PRKD1: variants seen among roughly 807,000 people sequenced by gnomAD.
PRKD1 encodes serine/threonine-protein kinase D1.
In PRKD1, 63 loss-of-function variants were observed where a neutral mutation model predicts 95.9. That is an observed-to-expected ratio of 0.66 (90% CI 0.54 to 0.81). PRKD1 has a LOEUF of 0.81. PRKD1 is among the 30% of genes least tolerant of loss of function. The probability of loss-of-function intolerance (pLI) is 0.00; values close to 1 mark genes in which losing one functional copy is unlikely to be tolerated. For missense variants in PRKD1, 1,048 were observed against 1,165.3 expected (o/e 0.90, Z 1.47); for synonymous variants, 425 against 423.1 (o/e 1.00, Z -0.05).
At chr14:29,722,799 G>T (rs541036248) in intron 2 of PRKD1, among the ~76,000 whole-genome samples, 4 of 152,300 alleles carry the variant, frequency 2.6e-5, no homozygotes, top group Non-Finnish European at 5.9e-5. Flanking sequence ...TGCAGGCCCT[G>T]CCCGGGTATA....
chr14:29,584,757 T>G (rs1392809929), intron 16 of PRKD1, among the ~76,000 whole-genome samples: 1 of 152,264 alleles, frequency 6.6e-6, no homozygotes, highest in East Asian at 1.9e-4. Context: ...GCATCACAAC[T>G]CTACAAAATA....
At chr14:29,665,326 C>A (rs528468834) in intron 3 of PRKD1, among the ~76,000 whole-genome samples, 2 of 152,200 alleles carry the variant, frequency 1.3e-5, no homozygotes, top group South Asian at 2.1e-4. Flanking sequence ...AGCTGTCACC[C>A]AAATGGTTTA....
chr14:29,900,994 C>T (rs1478618779), intron 1 of PRKD1, among the ~76,000 whole-genome samples: 1 of 152,164 alleles, frequency 6.6e-6, no homozygotes, highest in Non-Finnish European at 1.5e-5. Flanking sequence ...TGGGTATATG[C>T]CCAAAAGAAA....
intron 11 of PRKD1, among the ~76,000 whole-genome samples, chr14:29,628,750 C>A (rs1367926036): frequency 2.0e-5 from 3 of 151,942 alleles, no homozygotes; most frequent in Non-Finnish European, 2.9e-5. Context: ...TAATATCAAC[C>A]ATTAAAATTC....
At chr14:29,808,373 CTTTTTTTTTTTTTTTTTTTTT>C (rs34250184) in intron 1 of PRKD1, among the ~76,000 whole-genome samples, 148 of 20,004 alleles carry the variant, frequency 7.4e-3, no homozygotes, top group Admixed American at 0.017. Context: ...TCAGGCTCTA[CTTTTTTTTTTTTTTTTTTTTT>C]TTTTTTTTTT....
At chr14:29,784,817 A>T (rs1158748588) in intron 1 of PRKD1, among the ~76,000 whole-genome samples, 1 of 152,222 alleles carries the variant, frequency 6.6e-6, no homozygotes, top group East Asian at 1.9e-4. Context: ...ACAAATTATC[A>T]GATTGCTTCC....
chr14:29,926,753 T>C (rs1344744298), intron 1 of PRKD1, among the ~76,000 whole-genome samples: 2 of 152,154 alleles, frequency 1.3e-5, no homozygotes, highest in Non-Finnish European at 2.9e-5. Flanking sequence ...GTCAGTTGTT[T>C]TGACAACTGG....
intron 2 of PRKD1, among the ~76,000 whole-genome samples, chr14:29,718,311 C>A (rs1208500577): frequency 6.6e-6 from 1 of 152,088 alleles, no homozygotes; most frequent in African/African-American, 2.4e-5. Context: ...GTAGTTTTCC[C>A]TGAGCTCTCA....
chr14:29,621,455 TTTTTTGGTTCA>T (rs1305024669), intron 13 of PRKD1, among the ~76,000 whole-genome samples: 4 of 152,080 alleles, frequency 2.6e-5, no homozygotes, highest in Non-Finnish European at 5.9e-5. Context: ...CCTTTCCTTC[TTTTTTGGTTCA>T]TTTTCATTTG....
intron 1 of PRKD1, among the ~76,000 whole-genome samples, chr14:29,738,777 C>T (rs1886848257): frequency 6.6e-6 from 1 of 151,414 alleles, no homozygotes; most frequent in Non-Finnish European, 1.5e-5. Context: ...TTCCTTCCTT[C>T]CTTCTTTCTT....
intron 1 of PRKD1, among the ~76,000 whole-genome samples, chr14:29,770,521 C>T (rs1290461236): frequency 6.6e-6 from 1 of 152,164 alleles, no homozygotes; most frequent in Non-Finnish European, 1.5e-5. Context: ...CTGATGAAAT[C>T]TGACAGAAGT....
chr14:29,723,838 T>A lies in PRKD1; in HGVS notation c.403+1698A>T, dbSNP rs569737374. On this transcript the variant is annotated intron_variant, in intron 2 of 17. Coordinates refer to ENST00000331968, the MANE Select transcript of PRKD1 (RefSeq NM_002742.3). The stretch of plus-strand genomic sequence containing the variant: ...GCTGGTAAGAGTAAGGGAGCCCTTC[T>A]GGAGTCTGGTGCTGGGAAAGCAGGT... Among the ~76,000 whole-genome samples, 5 of 152,260 alleles carry A rather than the reference T, an allele frequency of 3.3e-5. No individual in the cohort carries two copies. In the East Asian group the frequency reaches 9.7e-4, roughly 29 times the overall value.
At chr14:29,702,843 A>G (rs1884906993) in intron 2 of PRKD1, among the ~76,000 whole-genome samples, 1 of 152,196 alleles carries the variant, frequency 6.6e-6, no homozygotes, top group South Asian at 2.1e-4. Flanking sequence ...CTAAAAGTGC[A>G]TAATGAATAA....
intron 1 of PRKD1, among the ~76,000 whole-genome samples, chr14:29,920,625 C>CACAA (rs35978114): frequency 1.3e-5 from 2 of 150,420 alleles, no homozygotes; most frequent in African/African-American, 4.9e-5. Context: ...CACACACACA[C>CACAA]AAAGTTTCAT....
chr14:29,805,262 C>T (rs1264813589), intron 1 of PRKD1, among the ~76,000 whole-genome samples: 1 of 152,206 alleles, frequency 6.6e-6, no homozygotes, highest in Non-Finnish European at 1.5e-5. Flanking sequence ...GTAAAAATCA[C>T]ACCCATTGGC....
intron 1 of PRKD1, among the ~76,000 whole-genome samples, chr14:29,866,610 G>C (rs756686860): frequency 3.9e-5 from 6 of 152,182 alleles, no homozygotes; most frequent in Non-Finnish European, 8.8e-5. Flanking sequence ...GTTTAGGGGA[G>C]AGACAGATGA....
chr14:29,926,217 T>C (rs1412334377), intron 1 of PRKD1, among the ~76,000 whole-genome samples: 3 of 152,334 alleles, frequency 2.0e-5, no homozygotes, highest in South Asian at 2.1e-4. Flanking sequence ...AAGCAATTCA[T>C]GATTATTCAA....
At chr14:29,761,500 T>A (rs1305643915) in intron 1 of PRKD1, among the ~76,000 whole-genome samples, 1 of 152,186 alleles carries the variant, frequency 6.6e-6, no homozygotes, top group African/African-American at 2.4e-5. Flanking sequence ...GTTTTCAGTA[T>A]CTGCTGAGAT....
rs146831093 is a variant in PRKD1, at chr14:29,596,210, GT to G, written c.2434+1280del. ...CTAATAACTTAATTTCTCCTAAGCG[GT>G]TTGTACATTCTTTTCTCATTTCTAT... On this transcript the variant is annotated intron_variant, in intron 16 of 17. Transcript: ENST00000331968. Among the ~76,000 whole-genome samples, 918 of 152,220 alleles carry G rather than the reference GT, an allele frequency of 6.0e-3. 7 individuals carry two copies. Among genetic ancestry groups the G allele is most frequent in the African/African-American group, 0.02 (832 of 41,540 alleles).
Sources: allele counts gnomAD v4.1 joint callset (sites outside exome capture counted in the v4.1 genomes callset), GRCh38; gene constraint gnomAD v4.1.1; transcripts MANE v1.5; gene names NCBI Gene and HGNC (gene_info 2026-07-23, HGNC 2026-07-21).